Variants in ZFYVE28 observed in about 807,000 individuals in gnomAD.
ZFYVE28 encodes the protein zinc finger FYVE-type containing 28.
A neutral mutation model predicts 82.1 loss-of-function variants in ZFYVE28; 40 were observed. That is an observed-to-expected ratio of 0.49 (90% confidence interval 0.38 to 0.63). The LOEUF (loss-of-function observed/expected upper bound fraction) is 0.63. ZFYVE28 is among the 30% of genes least tolerant of loss of function. The pLI, the probability that ZFYVE28 is intolerant of heterozygous loss-of-function variation, is 0.00. For missense variants in ZFYVE28, 1,321 were observed against 1,242.1 expected, an observed-to-expected ratio of 1.06 and a Z score of -0.96; for synonymous variants, 612 against 546.1, an observed-to-expected ratio of 1.12 and a Z score of -1.68.
At position 2,394,732 on chromosome 4, in the gene ZFYVE28, A is replaced by C. The variant is rs956768402; in HGVS notation, c.39+23553T>G. ...AACAGGCACCACTCTGCGCAGCTGCATCGATGCCTGACTGCACGTGTGCGT... is the reference window on the plus strand; with the variant it reads ...AACAGGCACCACTCTGCGCAGCTGCCTCGATGCCTGACTGCACGTGTGCGT... On this transcript the variant is annotated intron_variant, in intron 1 of 12. Transcript: ENST00000290974. This position sits in a 1 kb window ranked among gnomAD's most constrained non-coding sequence, Gnocchi z 4.0. 2.0e-5 allele frequency among the ~76,000 whole-genome samples: 3 copies of C among 152,224 alleles called. No homozygotes were observed. The highest frequency in any genetic ancestry group is 2.9e-5 in the Non-Finnish European group (2 of 68,036).
At chr4:2,382,544 G>A (rs1728834303) in intron 1 of ZFYVE28, among the ~76,000 whole-genome samples, 1 of 152,204 alleles carries the variant, frequency 6.6e-6, no homozygotes, top group South Asian at 2.1e-4. Context: ...CATGGGCCCT[G>A]TAACCCCTTT....
At chr4:2,286,238 C>G (rs996896203) in intron 8 of ZFYVE28, 3 of 152,656 alleles carry the variant, frequency 2.0e-5, no homozygotes, top group African/African-American at 7.2e-5. Flanking sequence ...CTCAGCTTCT[C>G]CCTCCCGGCG....
chr4:2,296,222 G>A (rs544164740), intron 8 of ZFYVE28, among the ~76,000 whole-genome samples: 23 of 152,302 alleles, frequency 1.5e-4, no homozygotes, highest in Middle Eastern at 3.4e-3. Flanking sequence ...GCTGGCCTGC[G>A]TGCCTACTGC....
intron 2 of ZFYVE28, among the ~76,000 whole-genome samples, chr4:2,353,223 A>G (rs1423029711): frequency 6.6e-6 from 1 of 152,238 alleles, no homozygotes; most frequent in Non-Finnish European, 1.5e-5. Context: ...GCTGGGGTGC[A>G]GCCAGCTTGG....
chr4:2,275,502 C>T (rs1736336409), intron 8 of ZFYVE28, among the ~76,000 whole-genome samples: 2 of 152,220 alleles, frequency 1.3e-5, no homozygotes, highest in African/African-American at 4.8e-5. Context: ...AATCTTTTCT[C>T]TACCTAGAAA....
intron 6 of ZFYVE28, among the ~76,000 whole-genome samples, chr4:2,326,235 T>C (rs564750141): frequency 2.6e-5 from 4 of 152,228 alleles, no homozygotes; most frequent in Non-Finnish European, 5.9e-5. Context: ...ATTTTTTATA[T>C]GGTGTGAGAT....
chr4:2,271,032 C>T (rs930963245), intron 12 of ZFYVE28, 176 bp from the exon 13 acceptor site: 113 of 929,940 alleles, frequency 1.2e-4, no homozygotes, highest in Admixed American at 4.2e-4. Flanking sequence ...GAGGGGTCCA[C>T]GTCCTGCACC....
chr4:2,308,704 A>AAG (rs1560182733), intron 7 of ZFYVE28, among the ~76,000 whole-genome samples: 1 of 124,626 alleles, frequency 8.0e-6, no homozygotes, highest in African/African-American at 3.9e-5. Context: ...AAAGAAAAGA[A>AAG]AAAAGAAAAG....
chr4:2,369,975 C>T (rs914878961), intron 1 of ZFYVE28, among the ~76,000 whole-genome samples: 3 of 151,082 alleles, frequency 2.0e-5, no homozygotes, highest in Admixed American at 6.6e-5. Flanking sequence ...CTCAGCCTCC[C>T]GAGCAGGTGG....
rs562732060 is a variant in ZFYVE28, at chr4:2,304,162, G to C, written c.2051+127C>G. 34 of 1,275,202 alleles carry C rather than the reference G, an allele frequency of 2.7e-5. No homozygotes were observed. In the South Asian group the frequency reaches 5.5e-4, roughly 21 times the overall value. 79.0% of individuals were successfully genotyped at this position (1,275,202 alleles called of 1,614,324 possible). ...CACACACAGACCCCACACTCGGCCA[G>C]GGCCCAGCACCTGCCGGTGGCCAAG... On this transcript the variant is annotated intron_variant, in intron 8 of 12. Transcript: ENST00000290974.
At position 2,271,836 on chromosome 4, in the gene ZFYVE28, G is replaced by C. The variant is rs558002648; in HGVS notation, c.2324-57C>G. The C allele has an allele frequency of 1.1e-4, 162 of 1,522,266 alleles. No homozygotes were observed. The East Asian group carries it at 3.5e-3, about 33-fold the overall frequency. 94.3% of individuals were successfully genotyped at this position (1,522,266 alleles called of 1,614,324 possible). A position where few individuals can be genotyped will look rare whatever the true frequency, so the allele number is the denominator to read the frequency against. On this transcript the variant is annotated intron_variant, in intron 10 of 12. Transcript: ENST00000290974. The stretch of plus-strand genomic sequence containing the variant: ...TGAGGGAGGCGGGCAATTGATGCAG[G>C]GTCACCTGCACTTGCTGGGCACAGC...
At chr4:2,327,910 G>A (rs1285025729) in intron 6 of ZFYVE28, among the ~76,000 whole-genome samples, 1 of 152,206 alleles carries the variant, frequency 6.6e-6, no homozygotes, top group East Asian at 1.9e-4. Context: ...TGAAAGATAA[G>A]TGTTACCAAG....
At chr4:2,281,367 C>T (rs570070772) in intron 8 of ZFYVE28, among the ~76,000 whole-genome samples, 16 of 152,118 alleles carry the variant, frequency 1.1e-4, no homozygotes, top group Non-Finnish European at 2.1e-4. Flanking sequence ...GCTGCTATAA[C>T]AGAGTACCAC....
intron 9 of ZFYVE28, 44 bp downstream of exon 9, chr4:2,274,018 T>G: frequency 6.2e-7 from 1 of 1,604,156 alleles, no homozygotes; most frequent in Non-Finnish European, 8.5e-7. Context: ...GCGCAGCCCG[T>G]GTGTCCTCAA....
intron 1 of ZFYVE28, among the ~76,000 whole-genome samples, chr4:2,377,337 A>C (rs977749583): frequency 6.6e-6 from 1 of 152,076 alleles, no homozygotes; most frequent in African/African-American, 2.4e-5. Flanking sequence ...CTTTACTTTT[A>C]TCTCTATTTT....
chr4:2,417,444 G>C lies in ZFYVE28; in HGVS notation c.39+841C>G, dbSNP rs890632399. Among the ~76,000 whole-genome samples, 10 of 150,296 alleles carry C rather than the reference G, an allele frequency of 6.7e-5. No individual in the cohort carries two copies. Among genetic ancestry groups the C allele is most frequent in the Non-Finnish European group, 1.5e-4 (10 of 67,398 alleles). ...GCGACTGGCGCAGCCGCTGAGGCAC[G>C]GGGCGCGCCGCCCGGACCCCGACCC... On this transcript the variant is annotated intron_variant, in intron 1 of 12. Transcript: ENST00000290974. This position sits in a 1 kb window ranked among gnomAD's most constrained non-coding sequence, Gnocchi z 4.8.
At chr4:2,299,945 C>T (rs1048893092) in intron 8 of ZFYVE28, among the ~76,000 whole-genome samples, 2 of 152,034 alleles carry the variant, frequency 1.3e-5, no homozygotes, top group South Asian at 2.1e-4. Context: ...TACAGGCCCA[C>T]GCCACTGCAC....
chr4:2,353,412 A>G (rs889765475), intron 2 of ZFYVE28, among the ~76,000 whole-genome samples: 2 of 152,236 alleles, frequency 1.3e-5, no homozygotes, highest in African/African-American at 4.8e-5. Context: ...ACCCCTCGTC[A>G]TCACTTGATA....
intron 1 of ZFYVE28, among the ~76,000 whole-genome samples, chr4:2,371,579 C>T (rs1429398110): frequency 2.6e-5 from 4 of 152,162 alleles, no homozygotes; most frequent in Admixed American, 6.5e-5. Context: ...AACGGGTATT[C>T]ACTCAAGAAA....
Sources: allele counts gnomAD v4.1 joint callset (sites outside exome capture counted in the v4.1 genomes callset), GRCh38; gene constraint gnomAD v4.1.1; non-coding constraint Gnocchi (gnomAD v3.1); transcripts MANE v1.5; gene names NCBI Gene and HGNC (gene_info 2026-07-23, HGNC 2026-07-21).